IFNLR1: variants seen among roughly 807,000 people sequenced by gnomAD.
The protein encoded by IFNLR1 is interferon lambda receptor 1.
Under a neutral mutation model 52.5 loss-of-function variants are expected in IFNLR1, and 28 were observed. The ratio of observed to expected loss-of-function variants is 0.53; its 90% CI spans 0.40 to 0.73. IFNLR1 has a LOEUF of 0.73. IFNLR1 is among the 30% of genes least tolerant of loss of function. The pLI is 0.00. For synonymous variants in IFNLR1, 276 were observed against 274.9 expected, an observed-to-expected ratio of 1.00 and a Z score of -0.04; for missense variants, 623 against 659.1, an observed-to-expected ratio of 0.95 and a Z score of 0.60.
Position 24,187,205 on chromosome 1 carries a change from A to T in IFNLR1, c.44T>A (p.Leu15Gln). Reference protein sequence around the residue: ...ERWGPLLLCLLQAAPGRPRLA... With the variant: ...ERWGPLLLCLQQAAPGRPRLA... ...CGCGCCCTTACCTGGAGCGGCCTGC[A>T]GCAGGCACAGGAGCAGGGGGCCCCA... The change falls in exon 1 of 7, where the codon CTG (leucine) becomes CAG (glutamine). Residue 15 changes from leucine (L) to glutamine (Q), a missense_variant. Transcript: ENST00000327535. 3.0e-6 allele frequency: 4 copies of T among 1,335,684 alleles called. No homozygotes were observed. Among genetic ancestry groups the T allele is most frequent in the Non-Finnish European group, 3.8e-6 (4 of 1,043,512 alleles). 82.7% of individuals were successfully genotyped at this position (1,335,684 alleles called of 1,614,324 possible).
chr1:24,168,436 G>T (rs989971059), intron 3 of IFNLR1, among the ~76,000 whole-genome samples: 5 of 148,672 alleles, frequency 3.4e-5, no homozygotes, highest in Non-Finnish European at 7.4e-5. Context: ...GGCCCTGCCC[G>T]AGGTCAGAAA....
At chr1:24,171,638 C>T (rs968794166) in intron 2 of IFNLR1, among the ~76,000 whole-genome samples, 4 of 151,684 alleles carry the variant, frequency 2.6e-5, no homozygotes, top group African/African-American at 7.3e-5. Flanking sequence ...AGGTACCTGC[C>T]ACTACACCCA....
At chr1:24,182,254 C>G (rs1432398397) in intron 1 of IFNLR1, among the ~76,000 whole-genome samples, 1 of 151,772 alleles carries the variant, frequency 6.6e-6, no homozygotes, top group African/African-American at 2.4e-5. Flanking sequence ...TACCCACGCC[C>G]AGTTCGCTGG....
chr1:24,181,101 C>T (rs1363293766), intron 1 of IFNLR1, among the ~76,000 whole-genome samples: 1 of 152,190 alleles, frequency 6.6e-6, no homozygotes, highest in African/African-American at 2.4e-5. Context: ...ACCTAATGGC[C>T]TCCAGGAGGG....
intron 4 of IFNLR1, among the ~76,000 whole-genome samples, chr1:24,161,198 A>C (rs1211077963): frequency 4.6e-5 from 7 of 152,232 alleles, no homozygotes; most frequent in Non-Finnish European, 1.0e-4. Context: ...CCTTGCCATA[A>C]ATAAATGCAG....
chr1:24,181,735 G>A (rs1287751980), intron 1 of IFNLR1, among the ~76,000 whole-genome samples: 1 of 152,098 alleles, frequency 6.6e-6, no homozygotes, highest in African/African-American at 2.4e-5. Context: ...GTTTTCCCTG[G>A]GTTGCTGGGA....
intron 1 of IFNLR1, 144 bp from the exon 2 acceptor site, chr1:24,180,998 C>A (rs1027729718): frequency 1.2e-6 from 1 of 822,872 alleles, no homozygotes; most frequent in Non-Finnish European, 1.9e-6. Flanking sequence ...TGTACTGCAG[C>A]CCTTGTGCCA....
At chr1:24,166,256 C>A (rs1253562386) in intron 3 of IFNLR1, among the ~76,000 whole-genome samples, 1 of 151,790 alleles carries the variant, frequency 6.6e-6, no homozygotes, top group African/African-American at 2.4e-5. Flanking sequence ...TCCTTTCTAA[C>A]CAATATTTTT....
chr1:24,187,000 G>T lies in IFNLR1; in HGVS notation c.58+191C>A, dbSNP rs190738906. ...ACTGGATTCGTTTCCTGCGGGAGAGGAATATCAAAGACCCGGTTCTGTTCA... is the reference window on the plus strand; with the variant it reads ...ACTGGATTCGTTTCCTGCGGGAGAGTAATATCAAAGACCCGGTTCTGTTCA... On this transcript the variant is annotated intron_variant, in intron 1 of 6. Coordinates refer to ENST00000327535, the MANE Select transcript of IFNLR1 (RefSeq NM_170743.4). 2.6e-5 allele frequency among the ~76,000 whole-genome samples: 4 copies of T among 152,332 alleles called. No homozygotes were observed. The East Asian group carries it at 7.7e-4, about 29-fold the overall frequency.
At chr1:24,162,518 CA>C (rs1291865170) in intron 3 of IFNLR1, among the ~76,000 whole-genome samples, 1 of 152,178 alleles carries the variant, frequency 6.6e-6, no homozygotes, top group Non-Finnish European at 1.5e-5. Flanking sequence ...TACAGAATAT[CA>C]CAGGCTGGGT....
chr1:24,157,044 C>G lies in IFNLR1; in HGVS notation c.*86G>C, dbSNP rs918756541. On this transcript the variant is annotated 3_prime_UTR_variant, in exon 7 of 7. Coordinates refer to ENST00000327535, the MANE Select transcript of IFNLR1 (RefSeq NM_170743.4). The surrounding 1 kb of genome is among the most constrained non-coding windows in gnomAD (Gnocchi z 5.1). ...GCCCCTCCGCCGCCCAGGGGAGGTA[C>G]GGAGGCTCTTGAGTTTCTTGGGAAG... The G allele has an allele frequency of 6.8e-7, 1 of 1,469,036 alleles. No homozygotes were observed. Among genetic ancestry groups the G allele is most frequent in the Non-Finnish European group, 9.2e-7 (1 of 1,090,256 alleles). The allele number at this position is 1,469,036 out of a possible 1,614,324, so 91.0% of individuals were successfully genotyped here. A position where few individuals can be genotyped will look rare whatever the true frequency, so the allele number is the denominator to read the frequency against.
chr1:24,181,438 C>T (rs1049034534), intron 1 of IFNLR1, among the ~76,000 whole-genome samples: 1 of 152,192 alleles, frequency 6.6e-6, no homozygotes. Flanking sequence ...CCACTTCCCA[C>T]CCATTCCTTT....
chr1:24,164,032 G>A (rs1001235892), intron 3 of IFNLR1, among the ~76,000 whole-genome samples: 1 of 152,032 alleles, frequency 6.6e-6, no homozygotes, highest in Non-Finnish European at 1.5e-5. Flanking sequence ...CAACTCTCGG[G>A]GTACAGTTTC....
At chr1:24,167,018 C>T (rs1644527255) in intron 3 of IFNLR1, among the ~76,000 whole-genome samples, 1 of 152,204 alleles carries the variant, frequency 6.6e-6, no homozygotes, top group Admixed American at 6.5e-5. Context: ...GATGATCTGT[C>T]CTCACCAGTG....
At chr1:24,163,031 G>A (rs972104761) in intron 3 of IFNLR1, among the ~76,000 whole-genome samples, 6 of 136,038 alleles carry the variant, frequency 4.4e-5, no homozygotes, top group Non-Finnish European at 9.2e-5. Context: ...GGCGATCTCA[G>A]CTCACTGCAA....
intron 3 of IFNLR1, among the ~76,000 whole-genome samples, chr1:24,167,017 T>A (rs1462278343): frequency 6.6e-6 from 1 of 152,234 alleles, no homozygotes; most frequent in Non-Finnish European, 1.5e-5. Flanking sequence ...TGATGATCTG[T>A]CCTCACCAGT....
intron 2 of IFNLR1, among the ~76,000 whole-genome samples, chr1:24,176,519 T>C (rs188153839): frequency 6.6e-6 from 1 of 152,312 alleles, no homozygotes; most frequent in East Asian, 1.9e-4. Context: ...TAAAAGAAAA[T>C]TGGAATTAAT....
chr1:24,164,698 T>C (rs1252522545), intron 3 of IFNLR1, among the ~76,000 whole-genome samples: 1 of 152,136 alleles, frequency 6.6e-6, no homozygotes, highest in Non-Finnish European at 1.5e-5. Context: ...TTTATCTTCC[T>C]GAAGTTTGGT....
chr1:24,161,735 T>A, intron 3 of IFNLR1, 51 bp from the exon 4 acceptor site: 1 of 1,443,736 alleles, frequency 6.9e-7, no homozygotes, highest in Non-Finnish European at 9.1e-7. Context: ...CCGCACTGCC[T>A]CCATCCCCCA....
Sources: gnomAD v4.1 joint callset for allele counts (sites outside exome capture counted in the v4.1 genomes callset) on GRCh38, gnomAD v4.1.1 for gene constraint, Gnocchi (gnomAD v3.1) non-coding constraint, MANE v1.5 for transcripts, NCBI Gene and HGNC (gene_info 2026-07-23, HGNC 2026-07-21) for gene names.